Variants in PDE4D observed in about 807,000 individuals in gnomAD.
PDE4D encodes 3',5'-cyclic-AMP phosphodiesterase 4D.
PDE4D carries 24 observed loss-of-function variants against 87.4 expected under a neutral mutation model. The observed-to-expected ratio is 0.27, with a 90% CI of 0.20 to 0.39. The LOEUF (loss-of-function observed/expected upper bound fraction) is 0.39. Among genes scored for constraint, PDE4D ranks in the 10% least tolerant of loss-of-function variants. The probability of loss-of-function intolerance (pLI) is 1.00; values close to 1 mark genes in which losing one functional copy is unlikely to be tolerated. For missense variants in PDE4D, 714 were observed against 1,041.0 expected (o/e 0.69, Z 4.32); for synonymous variants, 384 against 383.2 (o/e 1.00, Z -0.02).
chr5:60,192,670 G>A (rs986138089), intron 1 of PDE4D, among the ~76,000 whole-genome samples: 5 of 152,136 alleles, frequency 3.3e-5, no homozygotes, highest in Admixed American at 6.5e-5. Flanking sequence ...AAAGTTGTAT[G>A]TGTAATATTA....
chr5:59,853,121 C>A (rs935563457), intron 1 of PDE4D, among the ~76,000 whole-genome samples: 1 of 151,970 alleles, frequency 6.6e-6, no homozygotes, highest in Non-Finnish European at 1.5e-5. Flanking sequence ...CAAATAATGA[C>A]AAAGTGGAAA....
rs568212015 is a variant in PDE4D at position 60,322,597 on chromosome 5, T to C, written c.-89-136910A>G. 1.1e-4 allele frequency among the ~76,000 whole-genome samples: 17 copies of C among 152,268 alleles called. No individual in the cohort carries two copies. In the South Asian group the frequency reaches 1.9e-3, roughly 17 times the overall value. ...AATTAAGGGCACTTCCGCAAATCCCTTTCTGCTTATTCCCCTTCTCATGAG... is the reference window on the plus strand; with the variant it reads ...AATTAAGGGCACTTCCGCAAATCCCCTTCTGCTTATTCCCCTTCTCATGAG... On this transcript the variant is annotated intron_variant, in intron 1 of 16. Transcript: ENST00000502484.
intron 1 of PDE4D, among the ~76,000 whole-genome samples, chr5:59,372,543 G>A (rs564577667): frequency 6.6e-6 from 1 of 152,208 alleles, no homozygotes; most frequent in African/African-American, 2.4e-5. Context: ...AAGTAAACAC[G>A]TGGGCTGTAC....
intron 1 of PDE4D, among the ~76,000 whole-genome samples, chr5:59,324,589 G>A (rs1038915432): frequency 5.9e-5 from 9 of 152,076 alleles, no homozygotes; most frequent in African/African-American, 1.7e-4. Flanking sequence ...TTTTCTGACT[G>A]GCCATAGTTA....
chr5:60,484,406 C>A (rs1169257780), intron 1 of PDE4D, among the ~76,000 whole-genome samples: 4 of 152,084 alleles, frequency 2.6e-5, no homozygotes, highest in Non-Finnish European at 4.4e-5. Flanking sequence ...GCAAACATAG[C>A]TTAGAAAGTT....
intron 1 of PDE4D, among the ~76,000 whole-genome samples, chr5:60,338,877 C>T (rs1352662683): frequency 6.6e-6 from 1 of 152,142 alleles, no homozygotes; most frequent in African/African-American, 2.4e-5. Context: ...TCCAGGGGCT[C>T]TATACGACAG....
At chr5:60,276,170 T>C (rs752792644) in intron 1 of PDE4D, among the ~76,000 whole-genome samples, 2 of 152,236 alleles carry the variant, frequency 1.3e-5, no homozygotes, top group African/African-American at 2.4e-5. Context: ...TGAGTTTTTC[T>C]ATATCCTGGA....
At chr5:60,035,136 G>A (rs539877149) in intron 2 of PDE4D, among the ~76,000 whole-genome samples, 110 of 152,028 alleles carry the variant, frequency 7.2e-4, no homozygotes, top group African/African-American at 2.5e-3. Context: ...TATGCCTGTA[G>A]TCCCAGCTAC....
chr5:59,238,989 G>C (rs1227682446), intron 1 of PDE4D, among the ~76,000 whole-genome samples: 1 of 152,180 alleles, frequency 6.6e-6, no homozygotes, highest in African/African-American at 2.4e-5. Flanking sequence ...TGGAGATTAA[G>C]TGGCAAGGCC....
At chr5:59,860,279 G>C (rs960973797) in intron 1 of PDE4D, among the ~76,000 whole-genome samples, 3 of 152,252 alleles carry the variant, frequency 2.0e-5, no homozygotes, top group African/African-American at 7.2e-5. Context: ...TTGAAAATTT[G>C]AGACACTGAA....
intron 3 of PDE4D, among the ~76,000 whole-genome samples, chr5:59,946,774 C>T (rs1294270986): frequency 3.3e-5 from 5 of 152,128 alleles, no homozygotes; most frequent in Admixed American, 6.5e-5. Flanking sequence ...AACTGCTACA[C>T]GCATATTAGG....
upstream of PDE4D, among the ~76,000 whole-genome samples, chr5:60,492,077 A>G (rs1392504633): frequency 6.6e-6 from 1 of 152,054 alleles, no homozygotes; most frequent in East Asian, 1.9e-4. Flanking sequence ...TACATATGTA[A>G]CTAACCTGCA....
chr5:60,314,229 C>T (rs1456422661), intron 1 of PDE4D, among the ~76,000 whole-genome samples: 2 of 151,338 alleles, frequency 1.3e-5, no homozygotes, highest in South Asian at 2.1e-4. Flanking sequence ...TGCAGTTGCA[C>T]GATCTCAGCT....
chr5:60,130,420 T>C (rs535090374), intron 2 of PDE4D, among the ~76,000 whole-genome samples: 2 of 152,288 alleles, frequency 1.3e-5, no homozygotes, highest in South Asian at 4.1e-4. Flanking sequence ...GCCCAATCTG[T>C]CTCCATGGGC....
chr5:60,126,635 C>T (rs1205967196), intron 2 of PDE4D, among the ~76,000 whole-genome samples: 1 of 152,108 alleles, frequency 6.6e-6, no homozygotes, highest in Non-Finnish European at 1.5e-5. Flanking sequence ...ACTGGGCTGG[C>T]CAACAAGGCA....
chr5:59,085,063 A>C (rs529626438), intron 5 of PDE4D, among the ~76,000 whole-genome samples: 1 of 152,152 alleles, frequency 6.6e-6, no homozygotes, highest in Non-Finnish European at 1.5e-5. Flanking sequence ...AATTCTAGAA[A>C]TATATAGTAA....
chr5:60,345,420 C>G (rs1758667124), intron 1 of PDE4D, among the ~76,000 whole-genome samples: 1 of 151,114 alleles, frequency 6.6e-6, no homozygotes, highest in Non-Finnish European at 1.5e-5. Flanking sequence ...ATGTTGTGCA[C>G]ATGTACCCTA....
intron 1 of PDE4D, among the ~76,000 whole-genome samples, chr5:59,308,464 A>C (rs995174236): frequency 6.6e-6 from 1 of 152,054 alleles, no homozygotes; most frequent in Non-Finnish European, 1.5e-5. Context: ...TTTCTGAAAA[A>C]GACTGTATCT....
Position 59,385,199 on chromosome 5 carries a change from C to A in PDE4D, c.456-169231G>T, listed in dbSNP as rs1786732837. ...CTAGAAATCTGACATCCTAAGCATT[C>A]TTTCTGTTATTTCCCGTGTTGATTA... On this transcript the variant is annotated intron_variant, in intron 1 of 14. Coordinates refer to ENST00000340635, the MANE Select transcript of PDE4D (RefSeq NM_001104631.2). Among the ~76,000 whole-genome samples the A allele has an allele frequency of 2.0e-5, 3 of 152,126 alleles. No individual in the cohort carries two copies. In the South Asian group the frequency reaches 6.2e-4, roughly 32 times the overall value.
Sources: allele counts gnomAD v4.1 joint callset (sites outside exome capture counted in the v4.1 genomes callset), GRCh38; gene constraint gnomAD v4.1.1; transcripts MANE v1.5; gene names NCBI Gene and HGNC (gene_info 2026-07-23, HGNC 2026-07-21).